FERRY3: variants seen among roughly 807,000 people sequenced by gnomAD.
FERRY3 encodes protein C12orf4.
chr12:4,501,484 C>T, the FERRY3 span, among the ~76,000 whole-genome samples: 2 of 152,126 alleles, frequency 1.3e-5, no homozygotes, highest in Non-Finnish European at 2.9e-5. Context: ...TATTTACAGC[C>T]GCTCCTCACT....
the FERRY3 span, among the ~76,000 whole-genome samples, chr12:4,528,033 C>T: frequency 1.3e-5 from 2 of 152,042 alleles, 1 homozygote; most frequent in South Asian, 4.1e-4. Context: ...GCATTATAGA[C>T]TATTAATGGC....
chr12:4,514,945 A>G, the FERRY3 span, among the ~76,000 whole-genome samples: 15 of 152,062 alleles, frequency 9.9e-5, no homozygotes, highest in Admixed American at 8.5e-4. Flanking sequence ...TATGGTACCA[A>G]TTTAATTTAC....
chr12:4,504,211 ACGG>A, the FERRY3 span, among the ~76,000 whole-genome samples: 1 of 152,336 alleles, frequency 6.6e-6, no homozygotes, highest in South Asian at 2.1e-4. Context: ...CCACTGAGTG[ACGG>A]CGGTTTCGTG....
chr12:4,536,034 G>A, the FERRY3 span: 9 of 1,576,874 alleles, frequency 5.7e-6, no homozygotes, highest in South Asian at 2.4e-5. Context: ...TATAAAGCAC[G>A]GTAAACTGTG....
At chr12:4,525,109 G>A in the FERRY3 span, 1 of 966,022 alleles carries the variant, frequency 1.0e-6, no homozygotes, top group African/African-American at 1.7e-5. Flanking sequence ...TAATGCAAAA[G>A]GTGGTAAAAG....
the FERRY3 span, chr12:4,529,852 C>A: frequency 6.4e-7 from 1 of 1,560,360 alleles, no homozygotes; most frequent in South Asian, 1.2e-5. Flanking sequence ...TCTGATAATG[C>A]AAGAAATTTG....
chr12:4,496,328 G>A, the FERRY3 span, among the ~76,000 whole-genome samples: 1 of 152,146 alleles, frequency 6.6e-6, no homozygotes, highest in Non-Finnish European at 1.5e-5. Flanking sequence ...GTTTCACAAG[G>A]AGCTCACTTC....
chr12:4,527,733 G>T, the FERRY3 span, among the ~76,000 whole-genome samples: 1 of 151,890 alleles, frequency 6.6e-6, no homozygotes, highest in Non-Finnish European at 1.5e-5. Flanking sequence ...TCTTTTTCAA[G>T]CTAGCGGTTT....
chr12:4,510,010 G>T, the FERRY3 span, among the ~76,000 whole-genome samples: 301 of 137,380 alleles, frequency 2.2e-3, 1 homozygote, highest in African/African-American at 8.5e-3. Context: ...AAATTTAGAA[G>T]AATGTATAAC....
At chr12:4,534,840 G>C in the FERRY3 span, among the ~76,000 whole-genome samples, 1 of 152,154 alleles carries the variant, frequency 6.6e-6, no homozygotes, top group Non-Finnish European at 1.5e-5. Context: ...AAGGTCAAAA[G>C]TCTTAACTCT....
the FERRY3 span, among the ~76,000 whole-genome samples, chr12:4,497,338 C>A: frequency 6.6e-6 from 1 of 152,142 alleles, no homozygotes; most frequent in Non-Finnish European, 1.5e-5. Context: ...AAAACAGTGG[C>A]TACCCTTGAG....
At chr12:4,534,321 ACAC>A in the FERRY3 span, 1 of 1,580,034 alleles carries the variant, frequency 6.3e-7, no homozygotes, top group Non-Finnish European at 8.6e-7. Context: ...GGGACATCAA[ACAC>A]CATCGTCAGC....
At chr12:4,532,589 T>TGAGAAACA in the FERRY3 span, among the ~76,000 whole-genome samples, 1 of 152,158 alleles carries the variant, frequency 6.6e-6, no homozygotes, top group Non-Finnish European at 1.5e-5. Context: ...AGAAACTCAG[T>TGAGAAACA]CCGTCAGTAT....
At chr12:4,491,308 T>C in the FERRY3 span, 1 of 1,340,970 alleles carries the variant, frequency 7.5e-7, no homozygotes, top group East Asian at 2.3e-5. Flanking sequence ...GATCTTTATC[T>C]ATAGTGTTGA....
chr12:4,498,756 A>T, the FERRY3 span, among the ~76,000 whole-genome samples: 1 of 152,202 alleles, frequency 6.6e-6, no homozygotes, highest in Non-Finnish European at 1.5e-5. Flanking sequence ...TGGGGATAGC[A>T]GGGATGGTTT....
the FERRY3 span, among the ~76,000 whole-genome samples, chr12:4,506,970 C>T: frequency 1.3e-5 from 2 of 152,106 alleles, no homozygotes; most frequent in Non-Finnish European, 2.9e-5. Context: ...CTTTTATAAA[C>T]CTACTTGCAT....
the FERRY3 span, among the ~76,000 whole-genome samples, chr12:4,522,286 T>C: frequency 1.3e-5 from 2 of 152,162 alleles, no homozygotes; most frequent in African/African-American, 4.8e-5. Flanking sequence ...TGACTGACAC[T>C]ATTAAGAAAA....
the FERRY3 span, among the ~76,000 whole-genome samples, chr12:4,501,361 T>C: frequency 0.033 from 4,999 of 152,258 alleles, 260 homozygotes; most frequent in African/African-American, 0.11. Flanking sequence ...TCCCTACTCT[T>C]TATCGTGGTC....
chr12:4,506,567 C>A, the FERRY3 span, among the ~76,000 whole-genome samples: 1 of 152,118 alleles, frequency 6.6e-6, no homozygotes, highest in South Asian at 2.1e-4. Flanking sequence ...TTATAAGGAA[C>A]AATAAAGAAG....
Sources: allele counts gnomAD v4.1 joint callset (sites outside exome capture counted in the v4.1 genomes callset), GRCh38; gene constraint gnomAD v4.1.1; transcripts MANE v1.5; gene names NCBI Gene and HGNC (gene_info 2026-07-23, HGNC 2026-07-21).